RAPGEF2: variants seen among roughly 807,000 people sequenced by gnomAD.
The protein encoded by RAPGEF2 is Rap guanine nucleotide exchange factor 2, also known as PDZ domain containing guanine nucleotide exchange factor (GEF) 1.
A neutral mutation model predicts 186.7 loss-of-function variants in RAPGEF2; 54 were observed. The observed-to-expected ratio is 0.29, with a 90% CI of 0.23 to 0.36. RAPGEF2 has a LOEUF of 0.36. Ranked by LOEUF, RAPGEF2 falls within the 10% of genes least tolerant of loss-of-function variation. The probability of loss-of-function intolerance (pLI) is 1.00; values close to 1 mark genes in which losing one functional copy is unlikely to be tolerated. For missense variants in RAPGEF2, 1,532 were observed against 2,045.0 expected (o/e 0.75, Z 4.84); for synonymous variants, 712 against 705.9 (o/e 1.01, Z -0.14).
Position 159,131,583 on chromosome 4 carries a change from A to G in RAPGEF2, c.69+27352A>G, listed in dbSNP as rs1741116841. Among the ~76,000 whole-genome samples the G allele has an allele frequency of 1.9e-5, 2 of 105,474 alleles. 1 individual carries two copies. The highest frequency in any genetic ancestry group is 7.7e-5 in the African/African-American group (2 of 26,016). 69.2% of individuals were successfully genotyped at this position (105,474 alleles called of 152,430 possible). On this transcript the variant is annotated intron_variant, in intron 1 of 29. Coordinates refer to ENST00000691494, the MANE Select transcript of RAPGEF2 (RefSeq NM_001394067.2). ...TTGTTGTTTTTGTTCAGTCAGCTAT[A>G]CTATTTGGAGTTTTTACTAGTTGAA...
chr4:159,338,491 T>C (rs776722957), intron 18 of RAPGEF2, 23 bp downstream of exon 18: 9 of 1,586,754 alleles, frequency 5.7e-6, no homozygotes, highest in Non-Finnish European at 8.6e-7. Flanking sequence ...AACACTTCTT[T>C]TGTTTTCTTA....
chr4:159,356,145 C>T lies in RAPGEF2; in HGVS notation c.4944C>T (p.Ser1648=). ...RLAPYQSQGF[S]TEEDEDEQVS... The stretch of plus-strand genomic sequence containing the variant: ...CCCCCTATCAGTCCCAAGGGTTTTC[C>T]ACCGAGGAGGATGGTATATGCACAT... The change falls in exon 29 of 30, where the codon TCC becomes TCT. Residue 1648 remains serine, a synonymous_variant. Transcript: ENST00000691494. 6.2e-7 allele frequency: 1 copy of T among 1,613,818 alleles called. No homozygotes were observed. Among genetic ancestry groups the T allele is most frequent in the Non-Finnish European group, 8.5e-7 (1 of 1,179,740 alleles).
rs185930238 is a variant in RAPGEF2 at position 159,290,185 on chromosome 4, C to G, written c.544-14157C>G. On this transcript the variant is annotated intron_variant, in intron 7 of 29. Transcript: ENST00000691494. ...TGAAGTGGGTTCATATTTGTAAATC[C>G]CCTCTCAGAGTGCTGTCACACATAG... is the stretch of plus-strand genomic sequence containing the variant. Among the ~76,000 whole-genome samples, 432 of 152,264 alleles carry G rather than the reference C, an allele frequency of 2.8e-3. 2 individuals are homozygous for G. Among genetic ancestry groups the G allele is most frequent in the Non-Finnish European group, 5.1e-3 (346 of 68,016 alleles).
In RAPGEF2 at chr4:159,352,531, C is replaced by T. The variant is rs115569539; in HGVS notation, c.3866-154C>T. Reference sequence around the variant, plus strand: ...CTTCATTAGAATAAAACATTTGTCTCTTAGTCATGTGGTCTCTACAAGTGA... The same window carrying T: ...CTTCATTAGAATAAAACATTTGTCTTTTAGTCATGTGGTCTCTACAAGTGA... On this transcript the variant is annotated intron_variant, in intron 26 of 29. Coordinates refer to ENST00000691494, the MANE Select transcript of RAPGEF2 (RefSeq NM_001394067.2). 1,349 of 606,824 alleles carry T rather than the reference C, an allele frequency of 2.2e-3. 5 individuals are homozygous for T. The highest frequency in any genetic ancestry group is 3.3e-3 in the Non-Finnish European group (1,124 of 340,034). 37.6% of individuals were successfully genotyped at this position (606,824 alleles called of 1,614,324 possible).
In RAPGEF2 at chr4:159,214,826, A is replaced by T. The variant is rs1750850147; in HGVS notation, c.281+4243A>T. On this transcript the variant is annotated intron_variant, in intron 4 of 29. Transcript: ENST00000691494. ...CTACTAATTTATCAGTCATTAAAAA[A>T]CCTATTTGCAAAAGGAGAAAAAACA... 2.6e-5 allele frequency among the ~76,000 whole-genome samples: 4 copies of T among 152,198 alleles called. No homozygotes were observed. In the South Asian group the frequency reaches 8.3e-4, roughly 32 times the overall value.
chr4:159,299,520 A>G (rs911541812), intron 7 of RAPGEF2, among the ~76,000 whole-genome samples: 3 of 152,080 alleles, frequency 2.0e-5, no homozygotes, highest in African/African-American at 4.8e-5. Context: ...CTGGTACCAC[A>G]GATGCTGCGC....
chr4:159,118,152 T>A (rs947159325), intron 1 of RAPGEF2, among the ~76,000 whole-genome samples: 17 of 151,820 alleles, frequency 1.1e-4, no homozygotes, highest in African/African-American at 3.9e-4. Flanking sequence ...GGTGAGAGAG[T>A]GAAGCTTCAT....
At chr4:159,348,690 C>A (rs192056077) in intron 25 of RAPGEF2, among the ~76,000 whole-genome samples, 1 of 152,138 alleles carries the variant, frequency 6.6e-6, no homozygotes, top group Admixed American at 6.5e-5. Flanking sequence ...CTAAAAATGC[C>A]TATTAGCCAT....
At chr4:159,332,423 G>A (rs187098936) in intron 16 of RAPGEF2, 28 bp from the exon 17 acceptor site, 133 of 1,593,324 alleles carry the variant, frequency 8.3e-5, no homozygotes, top group Admixed American at 1.9e-4. Flanking sequence ...TTGCCATTAC[G>A]TGGTGTTTCT....
At chr4:159,114,444 C>G (rs1738828348) in intron 1 of RAPGEF2, among the ~76,000 whole-genome samples, 1 of 151,804 alleles carries the variant, frequency 6.6e-6, no homozygotes, top group African/African-American at 2.4e-5. Context: ...GCTATTTAGC[C>G]CAGGCTGGTC....
rs147699146 is a variant in RAPGEF2, at chr4:159,224,190, C to T, written c.281+13607C>T. 4.6e-3 allele frequency among the ~76,000 whole-genome samples: 705 copies of T among 152,318 alleles called. 9 individuals carry two copies. The highest frequency in any genetic ancestry group is 0.015 in the African/African-American group (612 of 41,576). ...CTGGGATTACAGGCATGAACTACCA[C>T]GCCTGACCCCATTTAAGTGAACTTC... is the stretch of plus-strand genomic sequence containing the variant. On this transcript the variant is annotated intron_variant, in intron 4 of 29. Transcript: ENST00000691494.
intron 17 of RAPGEF2, among the ~76,000 whole-genome samples, chr4:159,337,415 T>A (rs1767578611): frequency 6.6e-6 from 1 of 152,212 alleles, no homozygotes; most frequent in Non-Finnish European, 1.5e-5. Context: ...CTATTGAAGG[T>A]CAGATTATAA....
intron 1 of RAPGEF2, among the ~76,000 whole-genome samples, chr4:159,119,288 A>C (rs1739404890): frequency 6.6e-6 from 1 of 152,202 alleles, no homozygotes; most frequent in African/African-American, 2.4e-5. Flanking sequence ...TAGTTGCCTC[A>C]ATAATCAGGA....
intron 11 of RAPGEF2, chr4:159,327,252 A>C (rs1332331175): frequency 6.6e-6 from 1 of 152,220 alleles, no homozygotes; most frequent in Non-Finnish European, 1.5e-5. Flanking sequence ...TTATAAGTGA[A>C]TTCTTACTTG....
At chr4:159,160,395 C>T (rs754132967) in intron 1 of RAPGEF2, among the ~76,000 whole-genome samples, 4 of 152,172 alleles carry the variant, frequency 2.6e-5, no homozygotes, top group Non-Finnish European at 5.9e-5. Context: ...ATATACTTTG[C>T]CTAAGGTCAT....
At chr4:159,118,689 G>A (rs1319935333) in intron 1 of RAPGEF2, among the ~76,000 whole-genome samples, 3 of 152,192 alleles carry the variant, frequency 2.0e-5, no homozygotes, top group South Asian at 4.2e-4. Context: ...GGGTTCAAGC[G>A]ATTCTCCTGC....
rs1729823762 is a variant in RAPGEF2, at chr4:159,343,423, G to C, written c.3254+19G>C. ...GGACTCGGTGAGTATGTCATCTTCAGTGGCACGTGTGAGAGTAGAGAAGGT... is the reference window on the plus strand; with the variant it reads ...GGACTCGGTGAGTATGTCATCTTCACTGGCACGTGTGAGAGTAGAGAAGGT... On this transcript the variant is annotated intron_variant, in intron 22 of 29. Coordinates refer to ENST00000691494, the MANE Select transcript of RAPGEF2 (RefSeq NM_001394067.2). 3.7e-6 allele frequency: 6 copies of C among 1,612,354 alleles called. No homozygotes were observed. The highest frequency in any genetic ancestry group is 1.3e-5 in the African/African-American group (1 of 75,004).
At chr4:159,328,291 C>T (rs887121698) in intron 11 of RAPGEF2, 2 of 152,056 alleles carry the variant, frequency 1.3e-5, no homozygotes, top group South Asian at 2.1e-4. Context: ...GGAAATTGCT[C>T]AGAAATAATG....
At chr4:159,287,835 A>T (rs1046625693) in intron 7 of RAPGEF2, among the ~76,000 whole-genome samples, 1 of 152,056 alleles carries the variant, frequency 6.6e-6, no homozygotes, top group African/African-American at 2.4e-5. Context: ...TAGCTAATTC[A>T]CCTCTCTTGA....
Sources: gnomAD v4.1 joint callset for allele counts (sites outside exome capture counted in the v4.1 genomes callset) on GRCh38, gnomAD v4.1.1 for gene constraint, MANE v1.5 for transcripts, NCBI Gene and HGNC (gene_info 2026-07-23, HGNC 2026-07-21) for gene names.